TMEM132C: variants seen among roughly 807,000 people sequenced by gnomAD.
The protein encoded by TMEM132C is protein phosphatase 1, regulatory subunit 152.
In TMEM132C, 29 loss-of-function variants were observed where a neutral mutation model predicts 61.4. That is an observed-to-expected ratio of 0.47 (90% CI 0.35 to 0.64). TMEM132C has a LOEUF of 0.64. TMEM132C is among the 30% of genes least tolerant of loss of function. The probability of loss-of-function intolerance (pLI) is 0.00; values close to 1 mark genes in which losing one functional copy is unlikely to be tolerated. For missense variants in TMEM132C, 1,408 were observed against 1,476.9 expected, an observed-to-expected ratio of 0.95 and a Z score of 0.76; for synonymous variants, 656 against 633.1, an observed-to-expected ratio of 1.04 and a Z score of -0.54.
At chr12:128,623,367 C>G (rs1237989430) in intron 4 of TMEM132C, among the ~76,000 whole-genome samples, 1 of 151,336 alleles carries the variant, frequency 6.6e-6, no homozygotes, top group Non-Finnish European at 1.5e-5. Context: ...GCATATGTAA[C>G]AAACCTGCAC....
At chr12:128,409,393 G>A (rs4882757) in intron 1 of TMEM132C, among the ~76,000 whole-genome samples, 12,014 of 152,058 alleles carry the variant, frequency 0.079, 845 homozygotes, top group South Asian at 0.32. Context: ...AAACTCAAAA[G>A]CACCTGACAG....
At chr12:128,564,114 C>T (rs1309570445) in intron 3 of TMEM132C, among the ~76,000 whole-genome samples, 1 of 152,234 alleles carries the variant, frequency 6.6e-6, no homozygotes, top group Non-Finnish European at 1.5e-5. Flanking sequence ...CTCCTTGCGC[C>T]TCACATGGCA....
chr12:128,276,894 G>GCATACACACACACACACACACACA (rs1555249412), intron 1 of TMEM132C, among the ~76,000 whole-genome samples: 1 of 149,930 alleles, frequency 6.7e-6, no homozygotes, highest in East Asian at 2.0e-4. Context: ...GTGCGTGCAT[G>GCATACACACACACACACACACACA]CACACACACA....
Position 128,563,605 on chromosome 12 carries a change from G to A in TMEM132C, c.1121+19502G>A, listed in dbSNP as rs563473800. On this transcript the variant is annotated intron_variant, in intron 3 of 8. Transcript: ENST00000435159. ...CTGTTATCCTAGCACTGTGCCATGC[G>A]CTCTCGGGCAAGTCTGGGTCTGATG... is the stretch of plus-strand genomic sequence containing the variant. 3.4e-4 allele frequency among the ~76,000 whole-genome samples: 51 copies of A among 152,220 alleles called. No homozygotes were observed. The South Asian group carries it at 7.5e-3, about 22-fold the overall frequency.
intron 1 of TMEM132C, among the ~76,000 whole-genome samples, chr12:128,387,594 G>A (rs1319531671): frequency 1.3e-5 from 2 of 152,122 alleles, no homozygotes; most frequent in East Asian, 1.9e-4. Context: ...GGTGGATCAC[G>A]AGGTCAGGAG....
Position 128,392,646 on chromosome 12 carries a change from G to A in TMEM132C, c.86-22086G>A, listed in dbSNP as rs527888366. 3.9e-5 allele frequency among the ~76,000 whole-genome samples: 6 copies of A among 152,256 alleles called. No homozygotes were observed. In the East Asian group the frequency reaches 1.2e-3, roughly 29 times the overall value. ...TGGGGTAGCAAAGACAGGCAAACAG[G>A]TGATATTCAAACTTTCTTATACAAA... On this transcript the variant is annotated intron_variant, in intron 1 of 8. Coordinates refer to ENST00000435159, the MANE Select transcript of TMEM132C (RefSeq NM_001136103.3).
intron 2 of TMEM132C, among the ~76,000 whole-genome samples, chr12:128,493,735 TAAG>T (rs1468489017): frequency 6.6e-6 from 1 of 152,200 alleles, no homozygotes; most frequent in African/African-American, 2.4e-5. Flanking sequence ...CTTATCAGCT[TAAG>T]GAGATTTTGG....
chr12:128,320,327 T>G (rs915482914), intron 1 of TMEM132C, among the ~76,000 whole-genome samples: 72 of 152,242 alleles, frequency 4.7e-4, no homozygotes, highest in Non-Finnish European at 1.6e-4. Flanking sequence ...ATTTTGTTAT[T>G]GTTGACTTCC....
chr12:128,683,155 C>A (rs1954648778), intron 5 of TMEM132C, among the ~76,000 whole-genome samples: 1 of 152,156 alleles, frequency 6.6e-6, no homozygotes, highest in Non-Finnish European at 1.5e-5. Flanking sequence ...TCTCACCACT[C>A]TCCTCTTCCA....
chr12:128,279,693 G>T (rs1263056992), intron 1 of TMEM132C, among the ~76,000 whole-genome samples: 1 of 152,194 alleles, frequency 6.6e-6, no homozygotes, highest in Non-Finnish European at 1.5e-5. Flanking sequence ...CAGCTTCTCA[G>T]ATCTGTGTGC....
chr12:128,378,209 G>A (rs879526313), intron 1 of TMEM132C, among the ~76,000 whole-genome samples: 14 of 150,660 alleles, frequency 9.3e-5, no homozygotes, highest in East Asian at 2.0e-4. Flanking sequence ...CCGCCTCCCC[G>A]GTTCACGCCA....
At chr12:128,522,101 C>G (rs560977242) in intron 2 of TMEM132C, among the ~76,000 whole-genome samples, 1 of 152,294 alleles carries the variant, frequency 6.6e-6, no homozygotes, top group South Asian at 2.1e-4. Flanking sequence ...CCTTGACACA[C>G]GGCCAGAAAA....
chr12:128,702,766 C>T (rs949082881), intron 8 of TMEM132C, among the ~76,000 whole-genome samples: 5 of 152,208 alleles, frequency 3.3e-5, no homozygotes, highest in African/African-American at 1.2e-4. Context: ...GTGCTCAGAG[C>T]GCACACAAGC....
chr12:128,423,913 G>T (rs1279943992), intron 2 of TMEM132C, among the ~76,000 whole-genome samples: 1 of 151,860 alleles, frequency 6.6e-6, no homozygotes, highest in Non-Finnish European at 1.5e-5. Context: ...GGGCGTGGTG[G>T]CAGGTACCTG....
At chr12:128,684,157 A>G (rs1954656762) in intron 5 of TMEM132C, among the ~76,000 whole-genome samples, 1 of 151,796 alleles carries the variant, frequency 6.6e-6, no homozygotes, top group Admixed American at 6.6e-5. Context: ...GCTCACAATT[A>G]TTTTCTTTTT....
chr12:128,442,946 A>G (rs551774686), intron 2 of TMEM132C, among the ~76,000 whole-genome samples: 1 of 152,322 alleles, frequency 6.6e-6, no homozygotes, highest in South Asian at 2.1e-4. Flanking sequence ...ATTAAGTGAT[A>G]TTTTTGAATG....
chr12:128,269,440 T>C (rs940959717), intron 1 of TMEM132C, among the ~76,000 whole-genome samples: 10 of 151,852 alleles, frequency 6.6e-5, no homozygotes, highest in Non-Finnish European at 1.5e-4. Context: ...TGTTCAGTGC[T>C]GGGGGCAGTG....
chr12:128,481,386 C>T (rs1165324075), intron 2 of TMEM132C, among the ~76,000 whole-genome samples: 1 of 152,150 alleles, frequency 6.6e-6, no homozygotes, highest in Non-Finnish European at 1.5e-5. Flanking sequence ...GTCCACCAGG[C>T]CGGACGGCTT....
intron 7 of TMEM132C, 130 bp downstream of exon 7, chr12:128,696,233 A>T: frequency 7.8e-7 from 1 of 1,277,128 alleles, no homozygotes; most frequent in Admixed American, 2.6e-5. Context: ...CAGGAAGATG[A>T]GCCCAGGCCA....
Sources: allele counts gnomAD v4.1 joint callset (sites outside exome capture counted in the v4.1 genomes callset), GRCh38; gene constraint gnomAD v4.1.1; transcripts MANE v1.5; gene names NCBI Gene and HGNC (gene_info 2026-07-23, HGNC 2026-07-21).